TRPM3: variants seen among roughly 807,000 people sequenced by gnomAD.
The protein encoded by TRPM3 is long transient receptor potential channel 3.
In TRPM3, 77 loss-of-function variants were observed where a neutral mutation model predicts 181.2. The ratio of observed to expected loss-of-function variants is 0.42; its 90% CI spans 0.35 to 0.51. The LOEUF is 0.51. TRPM3 is among the 20% of genes least tolerant of loss of function. TRPM3 has a pLI of 0.01. For missense variants in TRPM3, 1,759 were observed against 2,196.7 expected (o/e 0.80, Z 3.98); for synonymous variants, 745 against 796.4 (o/e 0.94, Z 1.09).
intron 1 of TRPM3, among the ~76,000 whole-genome samples, chr9:71,204,479 C>T (rs909077068): frequency 5.3e-5 from 8 of 152,128 alleles, no homozygotes; most frequent in African/African-American, 1.9e-4. Context: ...CCATCACTGG[C>T]CGTCAGAGAA....
chr9:71,204,938 T>C (rs1350590371), intron 1 of TRPM3, among the ~76,000 whole-genome samples: 2 of 152,026 alleles, frequency 1.3e-5, no homozygotes, highest in Non-Finnish European at 2.9e-5. Flanking sequence ...CCAGAAACCA[T>C]CATTCTCCGT....
chr9:71,420,543 A>G (rs903857633), intron 1 of TRPM3, among the ~76,000 whole-genome samples: 7 of 151,336 alleles, frequency 4.6e-5, no homozygotes, highest in African/African-American at 1.7e-4. Flanking sequence ...GAAAGAAAGA[A>G]AAAGAGAAAG....
intron 9 of TRPM3, among the ~76,000 whole-genome samples, chr9:70,679,663 G>T (rs2064937276): frequency 1.3e-5 from 2 of 152,068 alleles, no homozygotes; most frequent in Admixed American, 1.3e-4. Context: ...ATTGCTCTAT[G>T]CCCCAATTTC....
In TRPM3 at chr9:71,350,583, T is replaced by C. The variant is rs377071849; in HGVS notation, c.183+96070A>G. Among the ~76,000 whole-genome samples the C allele has an allele frequency of 1.1e-4, 16 of 152,362 alleles. No homozygotes were observed. In the East Asian group the frequency reaches 2.1e-3, roughly 20 times the overall value. ...ATTGAACTGTTGACTCACATGAAGATTTGTATCACCTAAAATCCTCAGATA... is the reference window on the plus strand; with the variant it reads ...ATTGAACTGTTGACTCACATGAAGACTTGTATCACCTAAAATCCTCAGATA... On this transcript the variant is annotated intron_variant, in intron 1 of 24. Coordinates refer to the TRPM3 transcript ENST00000357533.
At chr9:70,759,268 C>G (rs930050230) in intron 8 of TRPM3, among the ~76,000 whole-genome samples, 2 of 152,142 alleles carry the variant, frequency 1.3e-5, no homozygotes, top group Non-Finnish European at 2.9e-5. Context: ...AAATGCAAAT[C>G]AAAACTACAA....
At chr9:70,615,438 A>C (rs2062643092) in intron 18 of TRPM3, among the ~76,000 whole-genome samples, 1 of 152,238 alleles carries the variant, frequency 6.6e-6, no homozygotes, top group Non-Finnish European at 1.5e-5. Context: ...AAAGCTTTGC[A>C]TACAAACCTC....
chr9:70,883,710 T>C (rs1449740007), intron 1 of TRPM3, among the ~76,000 whole-genome samples: 2 of 152,284 alleles, frequency 1.3e-5, no homozygotes, highest in African/African-American at 2.4e-5. Flanking sequence ...AATTCACAGA[T>C]TGAGCATTTC....
chr9:71,052,780 T>A (rs183589168), intron 1 of TRPM3, among the ~76,000 whole-genome samples: 2 of 152,020 alleles, frequency 1.3e-5, no homozygotes, highest in Non-Finnish European at 2.9e-5. Flanking sequence ...ATGGCCAAAG[T>A]ACCATCATCT....
chr9:71,425,156 A>C (rs2093841669), intron 1 of TRPM3, among the ~76,000 whole-genome samples: 1 of 152,052 alleles, frequency 6.6e-6, no homozygotes, highest in Admixed American at 6.6e-5. Flanking sequence ...TAAATCCACA[A>C]GGCTCTTTCC....
intron 1 of TRPM3, among the ~76,000 whole-genome samples, chr9:71,030,401 C>T (rs935247973): frequency 6.6e-6 from 1 of 151,940 alleles, no homozygotes; most frequent in African/African-American, 2.4e-5. Flanking sequence ...CCCATCTCTA[C>T]TGAAAATACA....
intron 6 of TRPM3, among the ~76,000 whole-genome samples, chr9:70,815,195 C>G (rs2092582226): frequency 6.6e-6 from 1 of 151,836 alleles, no homozygotes; most frequent in African/African-American, 2.4e-5. Context: ...ACAAACATAC[C>G]CTTGAATATC....
At position 71,403,652 on chromosome 9, in the gene TRPM3, C is replaced by T. The variant is rs1051524536; in HGVS notation, c.183+43001G>A. On this transcript the variant is annotated intron_variant, in intron 1 of 24. Transcript: ENST00000357533. The stretch of plus-strand genomic sequence containing the variant: ...AATGAGCAAACAAAAAACGTATATG[C>T]ATAAAGAATTAAAGTGAAGTCATAA... Among the ~76,000 whole-genome samples, 13 of 152,160 alleles carry T rather than the reference C, an allele frequency of 8.5e-5. No individual in the cohort carries two copies. The East Asian group carries it at 1.9e-3, about 23-fold the overall frequency.
chr9:70,928,745 A>T (rs777815164), intron 1 of TRPM3, among the ~76,000 whole-genome samples: 1 of 152,194 alleles, frequency 6.6e-6, no homozygotes, highest in African/African-American at 2.4e-5. Context: ...GGTGTGGTTG[A>T]ATAACATGGG....
chr9:70,665,369 T>C (rs142114396), intron 9 of TRPM3, among the ~76,000 whole-genome samples: 1,532 of 152,258 alleles, frequency 0.01, 22 homozygotes, highest in African/African-American at 0.035. Context: ...GTCTCCTTGG[T>C]GATCTTGGCC....
chr9:71,205,073 G>T (rs1037388983), intron 1 of TRPM3, among the ~76,000 whole-genome samples: 1 of 151,924 alleles, frequency 6.6e-6, no homozygotes, highest in Non-Finnish European at 1.5e-5. Context: ...TGGGGTGGGG[G>T]GAGCAGGGAG....
intron 3 of TRPM3, among the ~76,000 whole-genome samples, chr9:70,858,591 G>T (rs1256060319): frequency 1.3e-5 from 2 of 152,044 alleles, no homozygotes; most frequent in Non-Finnish European, 2.9e-5. Flanking sequence ...ATATTCGGTA[G>T]TAATAAGAAG....
chr9:71,399,534 T>G (rs1302864785), intron 1 of TRPM3, among the ~76,000 whole-genome samples: 1 of 129,806 alleles, frequency 7.7e-6, no homozygotes, highest in Non-Finnish European at 1.6e-5. Context: ...TTGTTTTTTT[T>G]TTTTTTTTTT....
chr9:71,209,338 A>G (rs905032377), intron 1 of TRPM3, among the ~76,000 whole-genome samples: 3 of 107,312 alleles, frequency 2.8e-5, no homozygotes, highest in African/African-American at 1.1e-4. Context: ...GAAAAATGGA[A>G]GGAGGTGGGA....
chr9:71,140,504 A>G (rs1435468635), intron 1 of TRPM3, among the ~76,000 whole-genome samples: 1 of 152,152 alleles, frequency 6.6e-6, no homozygotes, highest in African/African-American at 2.4e-5. Flanking sequence ...CTTCAATATG[A>G]CATCCTGACA....
Sources: allele counts gnomAD v4.1 joint callset (sites outside exome capture counted in the v4.1 genomes callset), GRCh38; gene constraint gnomAD v4.1.1; transcripts MANE v1.5; gene names NCBI Gene and HGNC (gene_info 2026-07-23, HGNC 2026-07-21).